RNF144A: variants seen among roughly 807,000 people sequenced by gnomAD.
RNF144A encodes the protein ring finger protein 144A, also known as E3 ubiquitin-protein ligase RNF144A.
A neutral mutation model predicts 38.7 loss-of-function variants in RNF144A; 11 were observed. The ratio of observed to expected loss-of-function variants is 0.28; its 90% CI spans 0.18 to 0.47. RNF144A has a LOEUF of 0.47. RNF144A is among the 20% of genes least tolerant of loss of function. The pLI is 0.99. For missense variants in RNF144A, 316 were observed against 377.2 expected (o/e 0.84, Z 1.34); for synonymous variants, 149 against 143.9 (o/e 1.04, Z -0.25).
intron 2 of RNF144A, among the ~76,000 whole-genome samples, chr2:6,952,393 T>G (rs199543100): frequency 2.8e-4 from 1 of 3,586 alleles, no homozygotes; most frequent in Non-Finnish European, 7.0e-4. Flanking sequence ...AGAGGGAGGG[T>G]TTTTTTTTTT....
intron 2 of RNF144A, among the ~76,000 whole-genome samples, chr2:6,993,687 GA>G (rs1400042393): frequency 1.3e-5 from 2 of 152,180 alleles, no homozygotes; most frequent in Non-Finnish European, 2.9e-5. Context: ...GTCGATAAGG[GA>G]GGAGGCTTTA....
At chr2:6,928,393 C>A (rs1356090969) in intron 1 of RNF144A, among the ~76,000 whole-genome samples, 2 of 152,308 alleles carry the variant, frequency 1.3e-5, no homozygotes, top group South Asian at 2.1e-4. Flanking sequence ...ATTCTCCTGG[C>A]CTTCAGCGGT....
intron 6 of RNF144A, among the ~76,000 whole-genome samples, chr2:7,051,391 C>T (rs1227258571): frequency 6.6e-6 from 1 of 152,092 alleles, no homozygotes; most frequent in Non-Finnish European, 1.5e-5. Context: ...AGGTTTAAGC[C>T]AGGCTGGAGG....
At position 7,019,353 on chromosome 2, in the gene RNF144A, G is replaced by A. The variant is rs149448087; in HGVS notation, c.302-1120G>A. On this transcript the variant is annotated intron_variant, in intron 5 of 8. Coordinates refer to ENST00000320892, the MANE Select transcript of RNF144A (RefSeq NM_014746.6). ...GCGTGTAGGTGAAGTCCCGGTCCACGTGCGGCGCCAGCATGTTGTGGATTC... is the reference window on the plus strand; with the variant it reads ...GCGTGTAGGTGAAGTCCCGGTCCACATGCGGCGCCAGCATGTTGTGGATTC... Among the ~76,000 whole-genome samples the A allele has an allele frequency of 2.2e-3, 334 of 152,338 alleles. 2 individuals are homozygous for A. Among genetic ancestry groups the A allele is most frequent in the African/African-American group, 7.3e-3 (303 of 41,590 alleles).
chr2:6,918,029 G>C (rs1360296661), intron 1 of RNF144A, among the ~76,000 whole-genome samples: 3 of 151,872 alleles, frequency 2.0e-5, no homozygotes. Context: ...AGCTGGCGGC[G>C]GGGGCTTTCA....
In RNF144A at chr2:6,924,433, G is replaced by A. The variant is rs1664737582; in HGVS notation, c.-212+6811G>A. 2.0e-5 allele frequency among the ~76,000 whole-genome samples: 3 copies of A among 152,250 alleles called. No individual in the cohort carries two copies. The South Asian group carries it at 6.2e-4, about 31-fold the overall frequency. ...TGTGCCCATCCGAGCGCATGTCCTG[G>A]GAGTCTGGTGAGGAAGCGATTGTGG... On this transcript the variant is annotated intron_variant, in intron 1 of 8. Coordinates refer to ENST00000320892, the MANE Select transcript of RNF144A (RefSeq NM_014746.6).
chr2:6,956,559 G>C (rs1356890496), intron 2 of RNF144A, among the ~76,000 whole-genome samples: 1 of 152,190 alleles, frequency 6.6e-6, no homozygotes, highest in Non-Finnish European at 1.5e-5. Context: ...CCATGGAATG[G>C]TCCAAGGTCT....
chr2:6,923,737 C>T (rs985924171), intron 1 of RNF144A, among the ~76,000 whole-genome samples: 13 of 151,920 alleles, frequency 8.6e-5, no homozygotes, highest in Admixed American at 7.2e-4. Flanking sequence ...CAGGTGCCTG[C>T]GTTCTCTCTC....
chr2:6,959,792 C>A (rs758173657), intron 2 of RNF144A, among the ~76,000 whole-genome samples: 10 of 152,152 alleles, frequency 6.6e-5, no homozygotes, highest in Admixed American at 5.2e-4. Flanking sequence ...GATCACCACC[C>A]CCCCCATACT....
At chr2:6,982,607 C>T (rs748521639) in intron 2 of RNF144A, among the ~76,000 whole-genome samples, 7 of 152,108 alleles carry the variant, frequency 4.6e-5, no homozygotes, top group South Asian at 4.1e-4. Context: ...ACACATAAGC[C>T]GATGTCAAGT....
chr2:7,000,663 C>T (rs890804797), intron 3 of RNF144A, among the ~76,000 whole-genome samples: 1 of 151,968 alleles, frequency 6.6e-6, no homozygotes, highest in Admixed American at 6.5e-5. Flanking sequence ...AAGGTGGGAA[C>T]ATGTGAAGCT....
At chr2:6,980,895 G>A (rs1451684596) in intron 2 of RNF144A, among the ~76,000 whole-genome samples, 5 of 152,242 alleles carry the variant, frequency 3.3e-5, no homozygotes, top group East Asian at 1.9e-4. Context: ...TGAAATCGAG[G>A]TGGAGGCTTC....
At chr2:7,025,280 C>T (rs1671810679) in intron 7 of RNF144A, among the ~76,000 whole-genome samples, 1 of 152,258 alleles carries the variant, frequency 6.6e-6, no homozygotes, top group Admixed American at 6.5e-5. Context: ...TTTAGCTTCT[C>T]ATTCTCCTTC....
At chr2:7,062,680 GATGGACCA>G (rs1674015687) in intron 6 of RNF144A, 1 of 152,196 alleles carries the variant, frequency 6.6e-6, no homozygotes, top group Admixed American at 6.5e-5. Context: ...ACTGGAGCAG[GATGGACCA>G]GAGGAAAGAA....
At chr2:6,919,299 C>T (rs2103264155) in intron 1 of RNF144A, among the ~76,000 whole-genome samples, 1 of 152,356 alleles carries the variant, frequency 6.6e-6, no homozygotes, top group East Asian at 1.9e-4. Context: ...GGGATTCACC[C>T]AGTGGCTCCA....
At chr2:7,027,725 T>C (rs990322685) in intron 7 of RNF144A, among the ~76,000 whole-genome samples, 2 of 152,186 alleles carry the variant, frequency 1.3e-5, no homozygotes, top group Non-Finnish European at 2.9e-5. Flanking sequence ...TTCTGAACAA[T>C]AGGAGGAAAG....
intron 1 of RNF144A, among the ~76,000 whole-genome samples, chr2:6,925,970 CAT>C (rs1664839723): frequency 6.6e-6 from 1 of 152,230 alleles, no homozygotes; most frequent in Non-Finnish European, 1.5e-5. Context: ...GATGTGTTAG[CAT>C]ATGTTTGGCC....
At chr2:6,998,985 T>C (rs564723791) in intron 3 of RNF144A, among the ~76,000 whole-genome samples, 18 of 152,368 alleles carry the variant, frequency 1.2e-4, no homozygotes, top group African/African-American at 3.6e-4. Context: ...AAATAGTTCA[T>C]TCTCCCTGGC....
downstream of RNF144A, among the ~76,000 whole-genome samples, chr2:7,047,438 G>T (rs536656502): frequency 3.9e-5 from 6 of 152,282 alleles, no homozygotes; most frequent in South Asian, 6.2e-4. Flanking sequence ...TTCTTAAATG[G>T]CAGTGGCAAG....
Sources: gnomAD v4.1 joint callset for allele counts (sites outside exome capture counted in the v4.1 genomes callset) on GRCh38, gnomAD v4.1.1 for gene constraint, MANE v1.5 for transcripts, NCBI Gene and HGNC (gene_info 2026-07-23, HGNC 2026-07-21) for gene names.